DAB1: variants seen among roughly 807,000 people sequenced by gnomAD.
DAB1 encodes the protein disabled homolog 1.
Under a neutral mutation model 64.6 loss-of-function variants are expected in DAB1, and 15 were observed. The ratio of observed to expected loss-of-function variants is 0.23; its 90% CI spans 0.16 to 0.36. DAB1 has a LOEUF of 0.36. DAB1 is among the 10% of genes least tolerant of loss of function. The pLI, the probability that DAB1 is intolerant of heterozygous loss-of-function variation, is 1.00. For missense variants in DAB1, 596 were observed against 706.7 expected (o/e 0.84, Z 1.78); for synonymous variants, 235 against 251.9 (o/e 0.93, Z 0.64).
chr1:58,018,535 T>A (rs1361205565), intron 5 of DAB1, among the ~76,000 whole-genome samples: 2 of 152,178 alleles, frequency 1.3e-5, no homozygotes, highest in African/African-American at 4.8e-5. Flanking sequence ...ACCACTGACC[T>A]CTGGAGCCAG....
intron 3 of DAB1, among the ~76,000 whole-genome samples, chr1:58,479,192 G>A (rs1300672115): frequency 6.6e-6 from 1 of 152,148 alleles, no homozygotes; most frequent in African/African-American, 2.4e-5. Context: ...GAAATCTGCA[G>A]GAAAATCTAA....
intron 5 of DAB1, among the ~76,000 whole-genome samples, chr1:58,050,833 T>C (rs975199697): frequency 1.3e-5 from 2 of 152,068 alleles, no homozygotes; most frequent in Non-Finnish European, 2.9e-5. Context: ...CCGGCCCTCA[T>C]TGCTTTATTT....
intron 6 of DAB1, among the ~76,000 whole-genome samples, chr1:57,735,045 T>C (rs1647617124): frequency 6.6e-6 from 1 of 152,226 alleles, no homozygotes; most frequent in Non-Finnish European, 1.5e-5. Context: ...GGGAATTCAA[T>C]GCCTCCCATT....
intron 5 of DAB1, among the ~76,000 whole-genome samples, chr1:58,097,530 T>A (rs1413031759): frequency 6.6e-6 from 1 of 151,858 alleles, no homozygotes; most frequent in Non-Finnish European, 1.5e-5. Context: ...CTTTTTTTTT[T>A]ACCCTGAGGG....
At chr1:58,066,712 C>T (rs34852435) in intron 5 of DAB1, among the ~76,000 whole-genome samples, 2,810 of 152,158 alleles carry the variant, frequency 0.018, 34 homozygotes, top group Middle Eastern at 0.034. Context: ...GTGCTGCTGC[C>T]CCAGGTGCAA....
upstream of DAB1, among the ~76,000 whole-genome samples, chr1:57,425,935 T>C (rs150382743): frequency 3.3e-5 from 5 of 152,270 alleles, no homozygotes; most frequent in East Asian, 9.7e-4. Context: ...AGTTTCTTCA[T>C]CTATGAAGAC....
At chr1:57,988,607 C>G (rs1045050405) in intron 5 of DAB1, among the ~76,000 whole-genome samples, 2 of 152,142 alleles carry the variant, frequency 1.3e-5, no homozygotes, top group African/African-American at 4.8e-5. Flanking sequence ...ATGGAATCCC[C>G]CAGGGCCTGT....
At chr1:57,597,421 G>T (rs1305480959) in intron 7 of DAB1, among the ~76,000 whole-genome samples, 4 of 152,176 alleles carry the variant, frequency 2.6e-5, no homozygotes, top group African/African-American at 7.2e-5. Context: ...AAGGCAAAAT[G>T]CTTTGTCTGC....
At chr1:57,755,008 C>T (rs1344822508) in intron 6 of DAB1, among the ~76,000 whole-genome samples, 1 of 151,980 alleles carries the variant, frequency 6.6e-6, no homozygotes, top group African/African-American at 2.4e-5. Context: ...AACAAACAAA[C>T]AAAAAATCCA....
rs562771000 is a variant in DAB1, at chr1:57,596,244, G to C, written n.625+53348C>G. ...CTGCCATGTGTAGTTATTGTTAGGAGGTTTGGCATTGATTCCAAATTCCTA... is the reference window on the plus strand; with the variant it reads ...CTGCCATGTGTAGTTATTGTTAGGACGTTTGGCATTGATTCCAAATTCCTA... On this transcript the variant is annotated intron_variant and non_coding_transcript_variant, in intron 7 of 20. Coordinates refer to the DAB1 transcript ENST00000485760. Among the ~76,000 whole-genome samples, 3 of 152,214 alleles carry C rather than the reference G, an allele frequency of 2.0e-5. No individual in the cohort carries two copies. The South Asian group carries it at 6.2e-4, about 32-fold the overall frequency.
At chr1:57,238,197 G>T (rs1668233894) in intron 2 of DAB1, among the ~76,000 whole-genome samples, 1 of 152,204 alleles carries the variant, frequency 6.6e-6, no homozygotes. Flanking sequence ...CCTGGAAGGT[G>T]TTAGGAATGA....
At chr1:57,712,099 T>A (rs1647035251) in intron 6 of DAB1, among the ~76,000 whole-genome samples, 1 of 152,232 alleles carries the variant, frequency 6.6e-6, no homozygotes. Context: ...CATGACTCAC[T>A]ACTGTTTTAG....
chr1:57,740,036 A>G (rs1570784050), intron 6 of DAB1, among the ~76,000 whole-genome samples: 1 of 133,056 alleles, frequency 7.5e-6, no homozygotes, highest in Admixed American at 7.3e-5. Context: ...CTCTACTACT[A>G]CTACTACTAC....
chr1:57,535,531 G>A (rs1570604760), intron 7 of DAB1, among the ~76,000 whole-genome samples: 2 of 147,788 alleles, frequency 1.4e-5, no homozygotes, highest in African/African-American at 5.0e-5. Context: ...CTGCTGTGGC[G>A]TGATCTTAGT....
At chr1:58,479,125 T>C (rs559604752) in intron 3 of DAB1, among the ~76,000 whole-genome samples, 3 of 152,292 alleles carry the variant, frequency 2.0e-5, no homozygotes, top group South Asian at 2.1e-4. Context: ...ACAACACAAT[T>C]AGAAGTGACA....
At chr1:58,453,787 C>T (rs1347180014) in intron 3 of DAB1, among the ~76,000 whole-genome samples, 1 of 152,134 alleles carries the variant, frequency 6.6e-6, no homozygotes, top group African/African-American at 2.4e-5. Flanking sequence ...TAGTAGAAGG[C>T]ATTTATTGAT....
At chr1:57,922,845 C>CAAAAAAAAAAAAATAA (rs1644828213) in intron 5 of DAB1, among the ~76,000 whole-genome samples, 1 of 45,010 alleles carries the variant, frequency 2.2e-5, no homozygotes, top group African/African-American at 1.1e-4. Context: ...GACTCCATCT[C>CAAAAAAAAAAAAATAA]AAAAAAAAAA....
At chr1:57,275,249 C>T (rs549367664) in intron 2 of DAB1, among the ~76,000 whole-genome samples, 1 of 152,180 alleles carries the variant, frequency 6.6e-6, no homozygotes, top group Non-Finnish European at 1.5e-5. Context: ...TTTAAATTTG[C>T]AATTTAAAAA....
At chr1:57,411,996 G>A (rs1684150672) in intron 1 of DAB1, among the ~76,000 whole-genome samples, 1 of 152,140 alleles carries the variant, frequency 6.6e-6, no homozygotes, top group Non-Finnish European at 1.5e-5. Flanking sequence ...CCAACAGCAG[G>A]TGCTCACTTT....
Sources: allele counts gnomAD v4.1 joint callset (sites outside exome capture counted in the v4.1 genomes callset), GRCh38; gene constraint gnomAD v4.1.1; transcripts MANE v1.5; gene names NCBI Gene and HGNC (gene_info 2026-07-23, HGNC 2026-07-21).